Variants in NALCN observed in about 807,000 individuals in gnomAD.
NALCN encodes the protein sodium leak channel, non-selective, also known as sodium leak channel NALCN.
A neutral mutation model predicts 225.3 loss-of-function variants in NALCN; 111 were observed. The observed-to-expected ratio is 0.49, with a 90% CI of 0.42 to 0.58. NALCN has a LOEUF of 0.58. Ranked by LOEUF, NALCN falls within the 20% of genes least tolerant of loss-of-function variation. The pLI, the probability that NALCN is intolerant of heterozygous loss-of-function variation, is 0.00. For missense variants in NALCN, 1,378 were observed against 2,202.4 expected (o/e 0.63, Z 7.49); for synonymous variants, 764 against 769.0 (o/e 0.99, Z 0.11).
At chr13:101,106,802 T>A (rs2035136251) in intron 22 of NALCN, among the ~76,000 whole-genome samples, 3 of 152,154 alleles carry the variant, frequency 2.0e-5, no homozygotes, top group Admixed American at 2.0e-4. Flanking sequence ...ATCCAATAAA[T>A]CTCTTTTTCT....
At chr13:101,075,680 G>A (rs965626651) in intron 35 of NALCN, among the ~76,000 whole-genome samples, 193 bp downstream of exon 35, 14 of 151,834 alleles carry the variant, frequency 9.2e-5, no homozygotes, top group African/African-American at 3.4e-4. Context: ...TAAATGGCAG[G>A]AAACACATCG....
chr13:101,077,203 C>T (rs566512310), intron 34 of NALCN, among the ~76,000 whole-genome samples: 3 of 152,194 alleles, frequency 2.0e-5, no homozygotes, highest in Non-Finnish European at 4.4e-5. Flanking sequence ...AATTAAACCT[C>T]GTTCCTTTAT....
chr13:101,103,394 C>T, intron 25 of NALCN, 55 bp from the exon 26 acceptor site: 3 of 1,537,906 alleles, frequency 2.0e-6, no homozygotes, highest in East Asian at 2.3e-5. Flanking sequence ...CTACTATTTA[C>T]ATTTTCTGAC....
chr13:101,102,486 A>AT (rs1416379047), intron 26 of NALCN, among the ~76,000 whole-genome samples: 1 of 152,138 alleles, frequency 6.6e-6, no homozygotes, highest in Non-Finnish European at 1.5e-5. Context: ...AATAAAAAAA[A>AT]CTTTTGATCA....
chr13:101,191,857 G>A (rs1442252441), intron 14 of NALCN, 60 bp downstream of exon 14: 2 of 1,545,952 alleles, frequency 1.3e-6, no homozygotes, highest in Non-Finnish European at 1.8e-6. Context: ...CCAAATATCT[G>A]TTGATGTTCA....
intron 6 of NALCN, 120 bp from the exon 7 acceptor site, chr13:101,345,540 C>T: frequency 1.7e-6 from 2 of 1,197,996 alleles, no homozygotes; most frequent in Non-Finnish European, 2.3e-6. Context: ...TTGCTCATGC[C>T]TGTAATCGTT....
At chr13:101,073,856 C>T (rs1198100753) in intron 36 of NALCN, among the ~76,000 whole-genome samples, 179 bp from the exon 37 acceptor site, 9 of 152,122 alleles carry the variant, frequency 5.9e-5, no homozygotes, top group South Asian at 2.1e-4. Context: ...CAAGTATAGC[C>T]GTCTGAACAC....
chr13:101,295,845 G>A (rs1285482451), intron 7 of NALCN, among the ~76,000 whole-genome samples: 1 of 152,222 alleles, frequency 6.6e-6, no homozygotes, highest in Non-Finnish European at 1.5e-5. Flanking sequence ...TCCTGGCTTT[G>A]CCAAACATAG....
intron 6 of NALCN, among the ~76,000 whole-genome samples, chr13:101,376,458 A>G (rs1231113583): frequency 6.6e-6 from 1 of 152,144 alleles, no homozygotes; most frequent in Non-Finnish European, 1.5e-5. Context: ...CGGAGGTTGC[A>G]GTGAACCGAG....
At chr13:101,125,588 G>C (rs565208906) in intron 17 of NALCN, among the ~76,000 whole-genome samples, 1 of 152,206 alleles carries the variant, frequency 6.6e-6, no homozygotes, top group Admixed American at 6.5e-5. Flanking sequence ...GGAAGACAAG[G>C]GTAGGACACA....
At chr13:101,150,922 A>T (rs6491600) in intron 15 of NALCN, among the ~76,000 whole-genome samples, 119,414 of 152,068 alleles carry the variant, frequency 0.79, 47,100 homozygotes, top group East Asian at 0.99. Context: ...CATATTGAAA[A>T]ATCTAATGTA....
intron 7 of NALCN, among the ~76,000 whole-genome samples, chr13:101,298,887 T>C (rs549445936): frequency 9.2e-5 from 14 of 152,324 alleles, no homozygotes; most frequent in African/African-American, 2.6e-4. Flanking sequence ...GAGAAACACT[T>C]TTCTAACTTG....
chr13:101,181,314 G>A (rs1344003582), intron 14 of NALCN: 1 of 518,878 alleles, frequency 1.9e-6, no homozygotes, highest in Non-Finnish European at 3.8e-6. Flanking sequence ...GAGTGCCACA[G>A]AGGTCACGGA....
In NALCN at chr13:101,055,384, C is replaced by A; in HGVS notation, c.5128G>T (p.Ala1710Ser). 6.2e-7 allele frequency: 1 copy of A among 1,614,136 alleles called. No individual in the cohort carries two copies. The highest frequency in any genetic ancestry group is 8.5e-7 in the Non-Finnish European group (1 of 1,180,012). Residue 1710 changes from alanine to serine, a missense_variant, in exon 44 of 44, where the codon GCT becomes TCT. Around this residue, in one of 19 missense-constraint regions of NALCN, gnomAD observed 145 missense variants for 169.6 expected, o/e 0.85. Coordinates refer to ENST00000251127, the MANE Select transcript of NALCN (RefSeq NM_052867.4). ...VCKMNPMTDA[A>S]SCGSEVKKWW... is the part of the protein sequence containing the mutation. ...TTCTTAACTTCAGAACCGCAGGAAG[C>A]CGCGTCAGTCATGGGGTTCATTTTG... is the stretch of plus-strand genomic sequence containing the variant.
At chr13:101,115,166 G>A (rs1482163283) in intron 18 of NALCN, among the ~76,000 whole-genome samples, 2 of 152,014 alleles carry the variant, frequency 1.3e-5, no homozygotes, top group African/African-American at 4.8e-5. Context: ...CTTTTAAAGG[G>A]GCAAGTTAAA....
intron 11 of NALCN, among the ~76,000 whole-genome samples, chr13:101,247,730 T>C (rs1339893976): frequency 2.0e-5 from 3 of 152,228 alleles, no homozygotes; most frequent in Middle Eastern, 3.4e-3. Flanking sequence ...GCCATGGCGG[T>C]TTGCTGCACC....
intron 9 of NALCN, among the ~76,000 whole-genome samples, chr13:101,287,894 G>C (rs1399987970): frequency 6.6e-6 from 1 of 152,150 alleles, no homozygotes; most frequent in Non-Finnish European, 1.5e-5. Context: ...GTAAGAGAAA[G>C]AATCTTGGTA....
chr13:101,275,878 A>T (rs2042952778), intron 10 of NALCN, among the ~76,000 whole-genome samples: 1 of 152,038 alleles, frequency 6.6e-6, no homozygotes, highest in African/African-American at 2.4e-5. Context: ...ATCCTGGCCA[A>T]CGTGGTGAAA....
At chr13:101,203,858 C>T (rs1402710239) in intron 13 of NALCN, among the ~76,000 whole-genome samples, 1 of 152,202 alleles carries the variant, frequency 6.6e-6, no homozygotes, top group Non-Finnish European at 1.5e-5. Flanking sequence ...GCTACAGTGA[C>T]TTCTTACTAA....
Sources: allele counts gnomAD v4.1 joint callset (sites outside exome capture counted in the v4.1 genomes callset), GRCh38; gene constraint gnomAD v4.1.1; regional missense constraint gnomAD v4.1.1; transcripts MANE v1.5; gene names NCBI Gene and HGNC (gene_info 2026-07-23, HGNC 2026-07-21).